CATSPERD: variants seen among roughly 807,000 people sequenced by gnomAD.
CATSPERD encodes the protein catsper channel auxiliary subunit delta, also known as cation channel sperm-associated auxiliary subunit delta.
CATSPERD carries 86 observed loss-of-function variants against 98.1 expected under a neutral mutation model. The ratio of observed to expected loss-of-function variants is 0.88; its 90% CI spans 0.74 to 1.05. The LOEUF (loss-of-function observed/expected upper bound fraction) is 1.05, where lower values mean the gene tolerates loss of function less well. Ranked by LOEUF, CATSPERD falls within the 50% of genes least tolerant of loss-of-function variation. The probability of loss-of-function intolerance (pLI) is 0.00; values close to 1 mark genes in which losing one functional copy is unlikely to be tolerated. For missense variants in CATSPERD, 995 were observed against 1,005.7 expected (o/e 0.99, Z 0.14); for synonymous variants, 394 against 390.2 (o/e 1.01, Z -0.12).
intron 4 of CATSPERD, among the ~76,000 whole-genome samples, chr19:5,733,587 G>T (rs1234218687): frequency 6.6e-6 from 1 of 151,786 alleles, no homozygotes; most frequent in Non-Finnish European, 1.5e-5. Flanking sequence ...CTCTCAAGTA[G>T]CTCGGATTAC....
chr19:5,775,825 G>A (rs916722842), intron 20 of CATSPERD, among the ~76,000 whole-genome samples: 2 of 152,078 alleles, frequency 1.3e-5, no homozygotes, highest in East Asian at 3.9e-4. Context: ...ATTCCTTCTG[G>A]GCGGCAGACG....
intron 18 of CATSPERD, among the ~76,000 whole-genome samples, chr19:5,770,182 C>T (rs1322114511): frequency 6.6e-6 from 1 of 151,518 alleles, no homozygotes; most frequent in East Asian, 1.9e-4. Context: ...AATCCCTGCA[C>T]TTTGGGAGGC....
At chr19:5,770,749 C>T (rs2056628444) in intron 18 of CATSPERD, among the ~76,000 whole-genome samples, 195 bp from the exon 19 acceptor site, 1 of 152,106 alleles carries the variant, frequency 6.6e-6, no homozygotes, top group Non-Finnish European at 1.5e-5. Context: ...TTACTATGCT[C>T]CAGCCAAAAA....
Position 5,772,921 on chromosome 19 carries a change from A to T in CATSPERD, c.1897A>T (p.Thr633Ser). ...MCTSQPQNWT[T>S]MIKEFGGPFF... The stretch of plus-strand genomic sequence containing the variant: ...TACCTCCCAGCCGCAGAACTGGACC[A>T]CCATGATAAAGGAATTCGGGGGGCC... The change falls in exon 20 of 22, where the codon ACC (threonine) becomes TCC (serine). Residue 633 changes from threonine (T) to serine (S), a missense_variant. Transcript: ENST00000381624. 13 of 1,614,122 alleles carry T rather than the reference A, an allele frequency of 8.1e-6. No homozygotes were observed. Among genetic ancestry groups the T allele is most frequent in the Non-Finnish European group, 1.0e-5 (12 of 1,180,004 alleles).
intron 20 of CATSPERD, among the ~76,000 whole-genome samples, chr19:5,774,457 C>T (rs1468581156): frequency 6.6e-6 from 1 of 151,140 alleles, no homozygotes; most frequent in Non-Finnish European, 1.5e-5. Flanking sequence ...CTTTGGGAGG[C>T]CAAGGTGGGC....
Position 5,733,839 on chromosome 19 carries a change from C to T in CATSPERD, c.277-17C>T, listed in dbSNP as rs774828750. 6.7e-7 allele frequency: 1 copy of T among 1,500,042 alleles called. No homozygotes were observed. Among genetic ancestry groups the T allele is most frequent in the Non-Finnish European group, 9.3e-7 (1 of 1,080,432 alleles). The allele number at this position is 1,500,042 out of a possible 1,614,324, so 92.9% of individuals were successfully genotyped here. A position where few individuals can be genotyped will look rare whatever the true frequency, so the allele number is the denominator to read the frequency against. On this transcript the variant is annotated splice_polypyrimidine_tract_variant and intron_variant, in intron 4 of 21. Coordinates refer to ENST00000381624, the MANE Select transcript of CATSPERD (RefSeq NM_152784.4). ...AAAAGATGCTCTCATTGATATCATC[C>T]ATATGATAACTTTTAGGTCGGCGTA...
intron 14 of CATSPERD, 33 bp downstream of exon 14, chr19:5,757,965 G>C: frequency 1.3e-6 from 2 of 1,566,534 alleles, no homozygotes; most frequent in Non-Finnish European, 1.7e-6. Context: ...CCTGTCGCCT[G>C]TCCCTTGAGA....
At chr19:5,734,340 TA>T (rs2055798546) in intron 5 of CATSPERD, among the ~76,000 whole-genome samples, 1 of 151,894 alleles carries the variant, frequency 6.6e-6, no homozygotes, top group Non-Finnish European at 1.5e-5. Context: ...CGGTCTCTAC[TA>T]AAAATACAAA....
chr19:5,771,788 C>T (rs2056649584), intron 19 of CATSPERD, among the ~76,000 whole-genome samples: 1 of 151,940 alleles, frequency 6.6e-6, no homozygotes, highest in Non-Finnish European at 1.5e-5. Flanking sequence ...TCAGGCTGGT[C>T]TCGAACTCCT....
intron 4 of CATSPERD, among the ~76,000 whole-genome samples, chr19:5,732,393 C>T (rs1359657931): frequency 1.3e-5 from 2 of 152,116 alleles, no homozygotes; most frequent in Non-Finnish European, 2.9e-5. Flanking sequence ...TATCTAAGAA[C>T]CAACCAACTA....
intron 7 of CATSPERD, among the ~76,000 whole-genome samples, chr19:5,741,613 A>G (rs1433244486): frequency 6.6e-6 from 1 of 151,954 alleles, no homozygotes; most frequent in East Asian, 1.9e-4. Context: ...TTTGGAGGGG[A>G]AACCATCATT....
At chr19:5,763,887 G>A (rs542599254) in intron 16 of CATSPERD, among the ~76,000 whole-genome samples, 68 of 83,676 alleles carry the variant, frequency 8.1e-4, no homozygotes, top group African/African-American at 2.3e-3. Flanking sequence ...TTACTCTGTC[G>A]CCCAGACTGG....
intron 13 of CATSPERD, among the ~76,000 whole-genome samples, chr19:5,757,118 C>T (rs946124072): frequency 4.1e-5 from 6 of 146,934 alleles, no homozygotes; most frequent in Admixed American, 2.8e-4. Flanking sequence ...GGTGTGTTGG[C>T]GCATGCCTGT....
intron 15 of CATSPERD, among the ~76,000 whole-genome samples, chr19:5,761,849 C>T (rs2056440977): frequency 6.6e-6 from 1 of 151,010 alleles, no homozygotes; most frequent in African/African-American, 2.4e-5. Context: ...ACTATAGTTC[C>T]CGAGTAGCTG....
In CATSPERD at chr19:5,748,225, G is replaced by A. The variant is rs746059692; in HGVS notation, c.874G>A (p.Ala292Thr). Residue 292 changes from alanine to threonine, a missense_variant, in exon 10 of 22, where the codon GCC becomes ACC. Ala to Thr is a moderately conservative substitution (Grantham distance 58). This residue lies in a region of CATSPERD where 762 missense variants were observed against 773.7 expected (regional missense o/e 0.98). Coordinates refer to ENST00000381624, the MANE Select transcript of CATSPERD (RefSeq NM_152784.4). ...DQTLFSSIFE[A>T]KITIHNIAVT... ...GACCTTGTTTTCTTCCATTTTTGAA[G>A]CCAAGATCACCATCCACAACATTGC... 5.6e-6 allele frequency: 9 copies of A among 1,613,900 alleles called. No homozygotes were observed. Among genetic ancestry groups the A allele is most frequent in the African/African-American group, 5.3e-5 (4 of 74,918 alleles).
intron 16 of CATSPERD, among the ~76,000 whole-genome samples, chr19:5,764,639 C>T (rs566832811): frequency 2.7e-5 from 4 of 150,252 alleles, no homozygotes; most frequent in East Asian, 2.0e-4. Flanking sequence ...ATTTTTGAGA[C>T]GGAGTTTACT....
intron 2 of CATSPERD, among the ~76,000 whole-genome samples, chr19:5,726,685 C>A (rs1044055838): frequency 1.3e-5 from 2 of 151,918 alleles, no homozygotes; most frequent in African/African-American, 4.8e-5. Flanking sequence ...CCTGGCCCAC[C>A]CTGTGAATTA....
At chr19:5,754,000 T>C (rs954088420) in intron 12 of CATSPERD, 132 bp from the exon 13 acceptor site, 1 of 679,426 alleles carries the variant, frequency 1.5e-6, no homozygotes, top group African/African-American at 1.8e-5. Context: ...CAGAGTCTAG[T>C]GGGGAAGACA....
chr19:5,746,848 C>T (rs12974471), intron 9 of CATSPERD, among the ~76,000 whole-genome samples: 48,048 of 151,184 alleles, frequency 0.32, 8,510 homozygotes, highest in East Asian at 0.68. Context: ...TCTGTGGAGG[C>T]GGAAGCTGTG....
Sources: gnomAD v4.1 joint callset for allele counts (sites outside exome capture counted in the v4.1 genomes callset) on GRCh38, gnomAD v4.1.1 for gene constraint, gnomAD v4.1.1 regional missense constraint, MANE v1.5 for transcripts, NCBI Gene and HGNC (gene_info 2026-07-23, HGNC 2026-07-21) for gene names.